MMP19: variants seen among roughly 807,000 people sequenced by gnomAD.
MMP19 encodes the protein matrix metallopeptidase 19, also known as matrix metalloproteinase-19.
Under a neutral mutation model 46.6 loss-of-function variants are expected in MMP19, and 47 were observed. The ratio of observed to expected loss-of-function variants is 1.01; its 90% confidence interval spans 0.80 to 1.29. The LOEUF (loss-of-function observed/expected upper bound fraction) is 1.29. MMP19 is among the 50% of genes most tolerant of loss of function. The probability of loss-of-function intolerance (pLI) is 0.00; values close to 1 mark genes in which losing one functional copy is unlikely to be tolerated. For missense variants in MMP19, 589 were observed against 643.5 expected, an observed-to-expected ratio of 0.92 and a Z score of 0.92; for synonymous variants, 222 against 248.5, an observed-to-expected ratio of 0.89 and a Z score of 1.00.
chr12:55,839,291 G>A (rs1881497285), intron 5 of MMP19, among the ~76,000 whole-genome samples: 1 of 151,922 alleles, frequency 6.6e-6, no homozygotes, highest in Non-Finnish European at 1.5e-5. Context: ...CCCAAGCATG[G>A]GTGTAAGGAG....
At chr12:55,837,401 G>A in intron 8 of MMP19, 27 bp from the exon 9 acceptor site, 2 of 1,584,524 alleles carry the variant, frequency 1.3e-6, no homozygotes, top group Non-Finnish European at 8.6e-7. Context: ...TGGGGAGAGG[G>A]GAGAGGAAGA....
In MMP19 at chr12:55,842,856, G is replaced by A. The variant is rs1295634141; in HGVS notation, c.-26C>T. The A allele has an allele frequency of 4.5e-6, 7 of 1,559,984 alleles. No homozygotes were observed. Among genetic ancestry groups the A allele is most frequent in the Non-Finnish European group, 6.1e-6 (7 of 1,149,448 alleles). On this transcript the variant is annotated 5_prime_UTR_variant, in exon 1 of 9. Transcript: ENST00000322569. ...GGTCCCACCAGACGAGAGCTCCAGA[G>A]GCTGTCCGTGCCTCTGACCTGAGAT...
chr12:55,842,281 G>T, intron 2 of MMP19, 72 bp downstream of exon 2: 2 of 1,247,252 alleles, frequency 1.6e-6, no homozygotes, highest in South Asian at 1.2e-5. Flanking sequence ...TGGGCCTGGG[G>T]AGAGGAAGGG....
chr12:55,838,420 G>A (rs1475983162), intron 6 of MMP19, 186 bp downstream of exon 6: 12 of 1,445,652 alleles, frequency 8.3e-6, no homozygotes, highest in Non-Finnish European at 1.1e-5. Context: ...GCCTGCCTAA[G>A]CCACCTTTAA....
chr12:55,839,241 C>CAAAA (rs763182567), intron 5 of MMP19, among the ~76,000 whole-genome samples: 3 of 58,758 alleles, frequency 5.1e-5, no homozygotes, highest in East Asian at 9.1e-4. Context: ...GGCTCTATCT[C>CAAAA]AAAAAAAAAA....
At chr12:55,837,707 A>G (rs1327870804) in intron 7 of MMP19, 25 bp from the exon 8 acceptor site, 1 of 1,614,080 alleles carries the variant, frequency 6.2e-7, no homozygotes, top group East Asian at 2.2e-5. Flanking sequence ...GGAAAGAACA[A>G]GTCACCTCTG....
At position 55,842,901 on chromosome 12, in the gene MMP19, G is replaced by A. The variant is rs1244378285; in HGVS notation, c.-71C>T. 2.5e-6 allele frequency: 3 copies of A among 1,201,728 alleles called. No homozygotes were observed. The highest frequency in any genetic ancestry group is 5.1e-5 in the East Asian group (2 of 39,168). 74.4% of individuals were successfully genotyped at this position (1,201,728 alleles called of 1,614,324 possible). A position where few individuals can be genotyped will look rare whatever the true frequency, so the allele number is the denominator to read the frequency against. The stretch of plus-strand genomic sequence containing the variant: ...TGAGATTTCTGGGAGCCTTGGGGGA[G>A]CAGTGCTAGGCAGAGGGGCTCTTAC... On this transcript the variant is annotated 5_prime_UTR_variant, in exon 1 of 9. Coordinates refer to ENST00000322569, the MANE Select transcript of MMP19 (RefSeq NM_002429.6).
chr12:55,842,573 G>A (rs758294812), intron 1 of MMP19, 135 bp from the exon 2 acceptor site: 5 of 879,742 alleles, frequency 5.7e-6, no homozygotes, highest in Non-Finnish European at 9.4e-6. Context: ...TTAGAGAAGG[G>A]GCTCAGGTGG....
rs1430439018 is a variant in MMP19, at chr12:55,839,676, A to G, written c.586T>C (p.Trp196Arg). 3 of 1,614,158 alleles carry G rather than the reference A, an allele frequency of 1.9e-6. No homozygotes were observed. Among genetic ancestry groups the G allele is most frequent in the Non-Finnish European group, 2.5e-6 (3 of 1,180,048 alleles). Reference sequence around the variant, plus strand: ...ACCCCACGGTAGGTCCCCTCAGTCCAGAACTCGTCTTCGTCGAAGTGCACA... The same window carrying G: ...ACCCCACGGTAGGTCCCCTCAGTCCGGAACTCGTCTTCGTCGAAGTGCACA... Reference protein sequence around the residue: ...GSVHFDEDEFWTEGTYRGVNL... With the variant: ...GSVHFDEDEFRTEGTYRGVNL... Residue 196 changes from tryptophan to arginine, a missense_variant, in exon 5 of 9, where the codon TGG (tryptophan) becomes CGG (arginine). Coordinates refer to ENST00000322569, the MANE Select transcript of MMP19 (RefSeq NM_002429.6).
At position 55,841,591 on chromosome 12, in the gene MMP19, T is replaced by C. The variant is rs139377340; in HGVS notation, c.174-355A>G. 1.2e-4 allele frequency among the ~76,000 whole-genome samples: 19 copies of C among 152,010 alleles called. No individual in the cohort carries two copies. In the East Asian group the frequency reaches 2.9e-3, roughly 23 times the overall value. ...TTCTCTCTTTCTTTCTTCCTTTCTT[T>C]CTTTTTTGGTAGAGATGGGGTCTCA... On this transcript the variant is annotated intron_variant, in intron 2 of 8. Coordinates refer to ENST00000322569, the MANE Select transcript of MMP19 (RefSeq NM_002429.6).
intron 1 of MMP19, 119 bp from the exon 2 acceptor site, chr12:55,842,557 A>C: frequency 2.2e-6 from 2 of 916,942 alleles, no homozygotes; most frequent in Non-Finnish European, 3.6e-6. Flanking sequence ...CTAATGGAGA[A>C]GCACCTTAGA....
In MMP19 at chr12:55,841,054, C is replaced by G. The variant is rs547539708; in HGVS notation, c.304+52G>C. 5.0e-6 allele frequency: 8 copies of G among 1,598,078 alleles called. No homozygotes were observed. The Admixed American group carries it at 1.2e-4, about 23-fold the overall frequency. ...GACTGTCCTAATGCCACCCACACGC[C>G]AGAACCACATCACCCCCTCCTCTCC... On this transcript the variant is annotated intron_variant, in intron 3 of 8. Coordinates refer to ENST00000322569, the MANE Select transcript of MMP19 (RefSeq NM_002429.6).
At chr12:55,841,553 TCC>T (rs980086089) in intron 2 of MMP19, 47 of 258,932 alleles carry the variant, frequency 1.8e-4, no homozygotes, top group Non-Finnish European at 3.2e-4. Flanking sequence ...CTTCCTTCCT[TCC>T]TTTCTTTTTC....
intron 6 of MMP19, 116 bp downstream of exon 6, chr12:55,838,489 TG>T (rs776747847): frequency 1.2e-6 from 2 of 1,605,832 alleles, no homozygotes; most frequent in Admixed American, 3.3e-5. Context: ...CATTAATGCC[TG>T]GGGTCTAACC....
chr12:55,839,465 A>T, intron 5 of MMP19, 31 bp downstream of exon 5: 2 of 1,553,580 alleles, frequency 1.3e-6, no homozygotes, highest in South Asian at 1.2e-5. Context: ...AGTCAGACTG[A>T]CCCTCCCCCT....
chr12:55,837,486 C>A, intron 8 of MMP19, 69 bp downstream of exon 8: 1 of 1,600,834 alleles, frequency 6.2e-7, no homozygotes, highest in Non-Finnish European at 8.5e-7. Flanking sequence ...CAAGCGCAAG[C>A]TTTGCTTCTC....
chr12:55,839,241 CAAAAAA>C (rs763182567), intron 5 of MMP19, among the ~76,000 whole-genome samples: 1 of 58,780 alleles, frequency 1.7e-5, no homozygotes. Context: ...GGCTCTATCT[CAAAAAA>C]AAAAAAAAAA....
At chr12:55,837,728 A>G (rs1179777636) in intron 7 of MMP19, 46 bp from the exon 8 acceptor site, 2 of 1,612,644 alleles carry the variant, frequency 1.2e-6, no homozygotes, top group African/African-American at 2.7e-5. Context: ...TCCTCAGGTG[A>G]TAGCTTTTGG....
At position 55,840,584 on chromosome 12, in the gene MMP19, A is replaced by C. The variant is rs1454191382; in HGVS notation, c.520+83T>G. 5 of 1,389,052 alleles carry C rather than the reference A, an allele frequency of 3.6e-6. No individual in the cohort carries two copies. In the African/African-American group the frequency reaches 4.3e-5, roughly 12 times the overall value. The allele number at this position is 1,389,052 out of a possible 1,614,324, so 86.0% of individuals were successfully genotyped here. ...AGGTGGGATAAAGAGCAGCCCAAAC[A>C]TCAAGGTTCTAGAGTCACTGGTTCA... On this transcript the variant is annotated intron_variant, in intron 4 of 8. Coordinates refer to ENST00000322569, the MANE Select transcript of MMP19 (RefSeq NM_002429.6).
Sources: gnomAD v4.1 joint callset for allele counts (sites outside exome capture counted in the v4.1 genomes callset) on GRCh38, gnomAD v4.1.1 for gene constraint, MANE v1.5 for transcripts, NCBI Gene and HGNC (gene_info 2026-07-23, HGNC 2026-07-21) for gene names.